The following LRP1B variants were observed in gnomAD, a reference collection of about 807,000 sequenced individuals.
LRP1B encodes LDL receptor related protein 1B.
LRP1B carries 217 observed loss-of-function variants against 556.6 expected under a neutral mutation model. That is an observed-to-expected ratio of 0.39 (90% CI 0.35 to 0.44). The LOEUF (loss-of-function observed/expected upper bound fraction) is 0.44, where lower values mean the gene tolerates loss of function less well. Ranked by LOEUF, LRP1B falls within the 20% of genes least tolerant of loss-of-function variation. The probability of loss-of-function intolerance (pLI) is 1.00; values close to 1 mark genes in which losing one functional copy is unlikely to be tolerated. For synonymous variants in LRP1B, 2,047 were observed against 1,865.8 expected, an observed-to-expected ratio of 1.10 and a Z score of -2.50; for missense variants, 5,053 against 5,620.8, an observed-to-expected ratio of 0.90 and a Z score of 3.23.
chr2:141,428,536 A>T (rs539767885), intron 3 of LRP1B, among the ~76,000 whole-genome samples: 2 of 152,312 alleles, frequency 1.3e-5, no homozygotes, highest in East Asian at 3.9e-4. Flanking sequence ...CATCACATGT[A>T]TGGGACTTTT....
intron 2 of LRP1B, among the ~76,000 whole-genome samples, chr2:141,598,867 T>C (rs539588040): frequency 2.0e-5 from 3 of 151,894 alleles, no homozygotes; most frequent in African/African-American, 7.2e-5. Context: ...ACAAAGAAGG[T>C]GAAAAGCGGT....
chr2:141,196,372 A>G (rs991390808), intron 6 of LRP1B, among the ~76,000 whole-genome samples: 22 of 152,094 alleles, frequency 1.4e-4, no homozygotes, highest in African/African-American at 5.3e-4. Context: ...TTTCTGCTAT[A>G]TAAGACTAGA....
rs376074126 is a variant in LRP1B, at chr2:141,930,685, C to A, written c.83-120284G>T. Among the ~76,000 whole-genome samples, 39 of 152,106 alleles carry A rather than the reference C, an allele frequency of 2.6e-4. No individual in the cohort carries two copies. In the East Asian group the frequency reaches 6.8e-3, roughly 26 times the overall value. On this transcript the variant is annotated intron_variant, in intron 1 of 90. Coordinates refer to ENST00000389484, the MANE Select transcript of LRP1B (RefSeq NM_018557.3). ...TGGTTTGAGATTTAGACCAATTTGG[C>A]TACACTTTAGGAAAGGTATTTGATT...
At chr2:141,717,775 T>C (rs10199508) in intron 2 of LRP1B, among the ~76,000 whole-genome samples, 32,967 of 152,212 alleles carry the variant, frequency 0.22, 4,522 homozygotes, top group East Asian at 0.51. Context: ...TTGAGAATGA[T>C]ACTTTAAATT....
At chr2:142,065,314 AAT>A (rs1214931422) in intron 1 of LRP1B, among the ~76,000 whole-genome samples, 3 of 151,332 alleles carry the variant, frequency 2.0e-5, no homozygotes, top group African/African-American at 4.8e-5. Flanking sequence ...TCTAAGGAAC[AAT>A]ATGTTTCTTT....
intron 7 of LRP1B, among the ~76,000 whole-genome samples, chr2:141,184,947 T>C (rs1681176195): frequency 6.6e-6 from 1 of 151,974 alleles, no homozygotes; most frequent in South Asian, 2.1e-4. Context: ...TAGACCTTTT[T>C]AGAAGGATTT....
chr2:141,479,839 C>A (rs10204727), intron 3 of LRP1B, among the ~76,000 whole-genome samples: 3 of 152,020 alleles, frequency 2.0e-5, no homozygotes, highest in Admixed American at 2.0e-4. Context: ...TCCCTCATAT[C>A]ATTAATATCT....
At chr2:140,616,484 CTTT>C (rs11416942) in intron 41 of LRP1B, among the ~76,000 whole-genome samples, 4 of 140,504 alleles carry the variant, frequency 2.8e-5, no homozygotes, top group East Asian at 2.1e-4. Context: ...GTGACTCAGT[CTTT>C]TTTTTTTTTT....
intron 86 of LRP1B, among the ~76,000 whole-genome samples, chr2:140,247,913 A>C (rs2104900835): frequency 6.6e-6 from 1 of 151,824 alleles, no homozygotes; most frequent in African/African-American, 2.4e-5. Context: ...CTATTGGCTA[A>C]CATAAGATGC....
At chr2:141,118,898 G>A (rs141988080) in intron 7 of LRP1B, among the ~76,000 whole-genome samples, 228 of 151,752 alleles carry the variant, frequency 1.5e-3, no homozygotes, top group Admixed American at 3.3e-3. Flanking sequence ...TCAAAGCAGC[G>A]TTAAGAAATA....
intron 1 of LRP1B, among the ~76,000 whole-genome samples, chr2:141,824,724 C>A (rs962615113): frequency 6.6e-6 from 1 of 152,126 alleles, no homozygotes; most frequent in African/African-American, 2.4e-5. Context: ...TCTAAACAGG[C>A]CTCAATGCTT....
intron 6 of LRP1B, among the ~76,000 whole-genome samples, chr2:141,190,465 G>A (rs955930069): frequency 2.0e-5 from 3 of 151,908 alleles, no homozygotes; most frequent in African/African-American, 7.2e-5. Flanking sequence ...GAAATTGCAT[G>A]TTAATTTGTA....
intron 6 of LRP1B, 34 bp downstream of exon 6, chr2:141,229,149 A>G (rs1553479643): frequency 1.2e-6 from 2 of 1,604,886 alleles, no homozygotes; most frequent in South Asian, 2.2e-5. Context: ...AAATCAGTAA[A>G]GGGTGGCATA....
intron 47 of LRP1B, among the ~76,000 whole-genome samples, chr2:140,526,805 T>A (rs1214357607): frequency 6.6e-6 from 1 of 150,830 alleles, no homozygotes. Flanking sequence ...TACTGGGAAA[T>A]CCCAACCTGG....
chr2:141,169,367 G>A (rs1330844379), intron 7 of LRP1B, among the ~76,000 whole-genome samples: 5 of 151,252 alleles, frequency 3.3e-5, no homozygotes, highest in African/African-American at 1.2e-4. Context: ...TAAGGAATAA[G>A]AAAAAACTTC....
intron 7 of LRP1B, among the ~76,000 whole-genome samples, chr2:141,114,980 G>A (rs1296994759): frequency 6.6e-6 from 1 of 152,072 alleles, no homozygotes; most frequent in African/African-American, 2.4e-5. Context: ...CACACTTGTA[G>A]TAACGTACAC....
At chr2:142,077,202 G>A (rs1257864700) in intron 1 of LRP1B, among the ~76,000 whole-genome samples, 6 of 151,984 alleles carry the variant, frequency 3.9e-5, no homozygotes, top group African/African-American at 1.2e-4. Flanking sequence ...GAGTAATCAC[G>A]GGAGGGATTA....
chr2:140,691,553 A>G (rs1686245950), intron 41 of LRP1B, among the ~76,000 whole-genome samples: 1 of 151,938 alleles, frequency 6.6e-6, no homozygotes, highest in Non-Finnish European at 1.5e-5. Context: ...TAAAAATATT[A>G]TAAAGCTATT....
intron 1 of LRP1B, among the ~76,000 whole-genome samples, chr2:141,971,345 T>C (rs1223502517): frequency 1.3e-5 from 2 of 151,442 alleles, no homozygotes; most frequent in African/African-American, 2.4e-5. Context: ...TCTTATATTA[T>C]GGAAGCTCCC....
Sources: gnomAD v4.1 joint callset for allele counts (sites outside exome capture counted in the v4.1 genomes callset) on GRCh38, gnomAD v4.1.1 for gene constraint, MANE v1.5 for transcripts, NCBI Gene and HGNC (gene_info 2026-07-23, HGNC 2026-07-21) for gene names.